The following VPS53 variants were observed in gnomAD, a reference collection of about 807,000 sequenced individuals.
VPS53 encodes VPS53 subunit of GARP complex.
Under a neutral mutation model 107.0 loss-of-function variants are expected in VPS53, and 70 were observed. The ratio of observed to expected loss-of-function variants is 0.65; its 90% CI spans 0.54 to 0.80. The LOEUF is 0.80. VPS53 is among the 30% of genes least tolerant of loss of function. The pLI is 0.00. For missense variants in VPS53, 917 were observed against 1,049.4 expected (o/e 0.87, Z 1.74); for synonymous variants, 409 against 393.3 (o/e 1.04, Z -0.47).
At chr17:539,447 C>G (rs1271785797) in intron 17 of VPS53, among the ~76,000 whole-genome samples, 1 of 152,152 alleles carries the variant, frequency 6.6e-6, no homozygotes, top group Admixed American at 6.6e-5. Flanking sequence ...GAAGTATTAG[C>G]AAAGGCCAAG....
At chr17:651,160 C>T (rs987723785) in intron 7 of VPS53, among the ~76,000 whole-genome samples, 3 of 152,002 alleles carry the variant, frequency 2.0e-5, no homozygotes, top group Non-Finnish European at 2.9e-5. Flanking sequence ...AAATCCGGAG[C>T]GATAGCCATT....
At chr17:521,536 A>T (rs1378492295) in intron 20 of VPS53, 65 bp downstream of exon 20, 1 of 1,463,786 alleles carries the variant, frequency 6.8e-7, no homozygotes, top group Admixed American at 2.2e-5. Flanking sequence ...TGTGCTTTCA[A>T]AACCAAGGCT....
intron 18 of VPS53, among the ~76,000 whole-genome samples, chr17:536,088 T>G (rs558501104): frequency 6.6e-6 from 1 of 152,000 alleles, no homozygotes; most frequent in Non-Finnish European, 1.5e-5. Context: ...TCACGGAAAA[T>G]GGTGCTAAGC....
chr17:611,480 T>C (rs1006111864), intron 11 of VPS53, among the ~76,000 whole-genome samples: 4 of 152,214 alleles, frequency 2.6e-5, no homozygotes, highest in Admixed American at 2.0e-4. Flanking sequence ...CCTCCTACAT[T>C]GTGGGTAGAA....
In VPS53 at chr17:517,829, G is replaced by C; in HGVS notation, c.*1299C>G. ...AGCCACCACACCCAGCCAATTTTTT[G>C]TATTTTTGGTTTTGCCAGGTTGCCC... On this transcript the variant is annotated 3_prime_UTR_variant, in exon 22 of 22. Transcript: ENST00000437048. 6.1e-6 allele frequency: 1 copy of C among 162,670 alleles called. No homozygotes were observed. The highest frequency in any genetic ancestry group is 1.3e-5 in the Non-Finnish European group (1 of 75,204). 10.1% of individuals were successfully genotyped at this position (162,670 alleles called of 1,614,324 possible).
At chr17:588,378 G>A (rs1967445021) in intron 12 of VPS53, among the ~76,000 whole-genome samples, 2 of 152,048 alleles carry the variant, frequency 1.3e-5, no homozygotes, top group South Asian at 2.1e-4. Context: ...CTCTTGAACT[G>A]CTTATATATT....
chr17:599,551 C>T (rs373726499), intron 12 of VPS53, among the ~76,000 whole-genome samples: 5 of 150,294 alleles, frequency 3.3e-5, no homozygotes, highest in African/African-American at 1.2e-4. Context: ...TGCTTGAAGG[C>T]AGCATGCTCG....
At chr17:600,689 C>T (rs182455080) in intron 12 of VPS53, among the ~76,000 whole-genome samples, 4 of 152,308 alleles carry the variant, frequency 2.6e-5, no homozygotes, top group Admixed American at 6.5e-5. Flanking sequence ...GAAAGGAATT[C>T]TAGTTTCTGA....
At chr17:713,041 T>C (rs569443101) in intron 1 of VPS53, among the ~76,000 whole-genome samples, 37 of 152,230 alleles carry the variant, frequency 2.4e-4, no homozygotes, top group Middle Eastern at 6.8e-3. Context: ...CAACCACTAC[T>C]GGAAAAACAC....
In VPS53 at chr17:655,824, T is replaced by C. The variant is rs781007597; in HGVS notation, c.488+14A>G. On this transcript the variant is annotated intron_variant, in intron 6 of 21. Transcript: ENST00000437048. The stretch of plus-strand genomic sequence containing the variant: ...TTTCCCGTGGCCCCAAAAGAGAAAG[T>C]TGGCATTGCTTACTCGAGGGAGTCG... 47 of 1,605,148 alleles carry C rather than the reference T, an allele frequency of 2.9e-5. No homozygotes were observed. The highest frequency in any genetic ancestry group is 5.4e-5 in the African/African-American group (4 of 74,448).
intron 13 of VPS53, among the ~76,000 whole-genome samples, chr17:583,773 T>C (rs558913490): frequency 6.7e-6 from 1 of 149,194 alleles, no homozygotes; most frequent in South Asian, 2.1e-4. Context: ...CAGAATCTAA[T>C]GTGTTCCCAG....
At chr17:526,868 G>A (rs965015188) in intron 19 of VPS53, among the ~76,000 whole-genome samples, 4 of 152,172 alleles carry the variant, frequency 2.6e-5, no homozygotes, top group Non-Finnish European at 4.4e-5. Flanking sequence ...AAAATTTTGC[G>A]TAAATAAGAT....
At chr17:523,843 G>A (rs573300478) in intron 19 of VPS53, among the ~76,000 whole-genome samples, 12 of 152,328 alleles carry the variant, frequency 7.9e-5, no homozygotes, top group East Asian at 3.9e-4. Context: ...CTCCAGGAGG[G>A]GGAATGGCAC....
At chr17:656,907 T>G in intron 5 of VPS53, 1 of 1,479,144 alleles carries the variant, frequency 6.8e-7, no homozygotes, top group Non-Finnish European at 9.4e-7. Flanking sequence ...TTGCCAATAG[T>G]GAAAATGTTG....
At chr17:564,541 G>GAAA (rs34603655) in intron 13 of VPS53, among the ~76,000 whole-genome samples, 3 of 96,994 alleles carry the variant, frequency 3.1e-5, no homozygotes, top group Non-Finnish European at 6.0e-5. Context: ...CTCTGTCTCA[G>GAAA]AAAAAAAAAA....
At chr17:675,889 T>C (rs1972140677) in intron 4 of VPS53, among the ~76,000 whole-genome samples, 1 of 152,046 alleles carries the variant, frequency 6.6e-6, no homozygotes, top group African/African-American at 2.4e-5. Flanking sequence ...ACATCCATAT[T>C]CCAGGTATCA....
chr17:619,580 C>G (rs1969366514), intron 11 of VPS53, among the ~76,000 whole-genome samples: 1 of 126,232 alleles, frequency 7.9e-6, no homozygotes, highest in Non-Finnish European at 1.6e-5. Flanking sequence ...ACCACCACAC[C>G]CCGCTAATAT....
chr17:564,052 C>T (rs1329523404), intron 13 of VPS53, among the ~76,000 whole-genome samples: 1 of 151,634 alleles, frequency 6.6e-6, no homozygotes, highest in Non-Finnish European at 1.5e-5. Context: ...GAGTTCGAGA[C>T]CAGCCTGGCC....
intron 13 of VPS53, among the ~76,000 whole-genome samples, chr17:565,712 T>G (rs1913439034): frequency 6.6e-6 from 1 of 151,980 alleles, no homozygotes; most frequent in South Asian, 2.1e-4. Flanking sequence ...TCAGTGGGCC[T>G]CGCAACGGCT....
Sources: gnomAD v4.1 joint callset for allele counts (sites outside exome capture counted in the v4.1 genomes callset) on GRCh38, gnomAD v4.1.1 for gene constraint, MANE v1.5 for transcripts, NCBI Gene and HGNC (gene_info 2026-07-23, HGNC 2026-07-21) for gene names.